RAP1B: variants seen among roughly 807,000 people sequenced by gnomAD.
RAP1B encodes ras-related protein Rap-1b.
A neutral mutation model predicts 27.5 loss-of-function variants in RAP1B; 1 was observed. The observed-to-expected ratio is 0.04, with a 90% CI of 0.01 to 0.17. RAP1B has a LOEUF of 0.17. Among genes scored for constraint, RAP1B ranks in the 10% least tolerant of loss-of-function variants. RAP1B has a pLI of 1.00. For missense variants in RAP1B, 84 were observed against 214.8 expected (o/e 0.39, Z 3.81); for synonymous variants, 75 against 73.1 (o/e 1.03, Z -0.13).
At chr12:68,652,190 A>G (rs1432799911) in intron 4 of RAP1B, 139 bp downstream of exon 4, 1 of 602,694 alleles carries the variant, frequency 1.7e-6, no homozygotes, top group Admixed American at 2.9e-5. Context: ...TCACACCTCT[A>G]TTCCCAGCAC....
At chr12:68,639,456 C>T (rs569519937) in intron 1 of RAP1B, among the ~76,000 whole-genome samples, 1 of 152,174 alleles carries the variant, frequency 6.6e-6, no homozygotes. Context: ...CAAGGTAATA[C>T]GTAATCAAGT....
intron 1 of RAP1B, among the ~76,000 whole-genome samples, chr12:68,642,000 A>G (rs937305660): frequency 2.6e-5 from 4 of 152,206 alleles, no homozygotes; most frequent in Non-Finnish European, 4.4e-5. Flanking sequence ...AGTATCGTAT[A>G]GTTGCACTGT....
Position 68,611,262 on chromosome 12 carries a change from A to AGCC in RAP1B, c.-27+231_-27+233dup, listed in dbSNP as rs1191014578. Among the ~76,000 whole-genome samples the AGCC allele has an allele frequency of 4.9e-4, 73 of 149,246 alleles. 1 individual carries two copies. Among genetic ancestry groups the AGCC allele is most frequent in the Middle Eastern group, 3.4e-3 (1 of 290 alleles). ...GCCTTGCGGGCCGGCGAGGAGGAGC[A>AGCC]GCCGCCGCCGCCGCGGGAGAACAGC... On this transcript the variant is annotated intron_variant, in intron 1 of 7. Transcript: ENST00000250559.
chr12:68,642,530 A>T (rs1380440069), intron 1 of RAP1B: 3 of 1,004,750 alleles, frequency 3.0e-6, no homozygotes, highest in Non-Finnish European at 4.7e-6. Context: ...ATTCTCGATT[A>T]GTTGGTGAGG....
In RAP1B at chr12:68,666,602, T is replaced by G. The variant is rs923524932; in HGVS notation, c.*7353T>G. The G allele has an allele frequency of 6.6e-6, 1 of 152,246 alleles. No homozygotes were observed. The highest frequency in any genetic ancestry group is 1.5e-5 in the Non-Finnish European group (1 of 68,038). 9.4% of individuals were successfully genotyped at this position (152,246 alleles called of 1,614,324 possible). Reference sequence around the variant, plus strand: ...GGACAATTGTTTTGACATTTAGGGCTTACCCACATACTTCAGGATAATCTC... The same window carrying G: ...GGACAATTGTTTTGACATTTAGGGCGTACCCACATACTTCAGGATAATCTC... On this transcript the variant is annotated 3_prime_UTR_variant, in exon 8 of 8. Transcript: ENST00000250559.
intron 1 of RAP1B, among the ~76,000 whole-genome samples, chr12:68,641,439 C>T (rs1565667495): frequency 1.3e-5 from 2 of 152,168 alleles, no homozygotes; most frequent in African/African-American, 4.8e-5. Context: ...TAGAATTAAA[C>T]AGCTTTTTAA....
Position 68,650,458 on chromosome 12 carries a change from C to A in RAP1B, c.116C>A (p.Ser39Tyr). 6.5e-7 allele frequency: 1 copy of A among 1,546,026 alleles called. No homozygotes were observed. Among genetic ancestry groups the A allele is most frequent in the South Asian group, 1.2e-5 (1 of 81,616 alleles). The stretch of plus-strand genomic sequence containing the variant: ...AAATACGATCCTACGATAGAAGATT[C>A]TTATAGAAAGGTATATATTACTTTG... ...VEKYDPTIED[S>Y]YRKQVEVDAQ... Residue 39 changes from serine (S) to tyrosine (Y), a missense_variant, in exon 3 of 8, where the codon TCT becomes TAT. Ser to Tyr is a moderately radical substitution (Grantham distance 144). Transcript: ENST00000250559.
chr12:68,645,727 G>T (rs1378500380), intron 1 of RAP1B, among the ~76,000 whole-genome samples: 3 of 152,224 alleles, frequency 2.0e-5, no homozygotes, highest in Non-Finnish European at 4.4e-5. Context: ...GTCAGAGTTG[G>T]CATTCGCAAT....
At chr12:68,624,902 C>T (rs1412333468) in intron 1 of RAP1B, 1 of 152,242 alleles carries the variant, frequency 6.6e-6, no homozygotes, top group Non-Finnish European at 1.5e-5. Flanking sequence ...TACTTAGAAA[C>T]TCAGAATTGG....
chr12:68,620,882 CG>C (rs1170736046), intron 1 of RAP1B, among the ~76,000 whole-genome samples: 2 of 152,120 alleles, frequency 1.3e-5, no homozygotes, highest in African/African-American at 2.4e-5. Context: ...GCCACCGCAC[CG>C]GTCTGGTTCC....
rs1874899100 is a variant in RAP1B at position 68,667,344 on chromosome 12, G to A, written c.*8095G>A. On this transcript the variant is annotated 3_prime_UTR_variant, in exon 8 of 8. Coordinates refer to ENST00000250559, the MANE Select transcript of RAP1B (RefSeq NM_001010942.3). Reference sequence around the variant, plus strand: ...TTTTGTTTTTTAAGAAATGGGAGGAGTGTAATATCTAGAGGTACATGAAAA... The same window carrying A: ...TTTTGTTTTTTAAGAAATGGGAGGAATGTAATATCTAGAGGTACATGAAAA... 2 of 152,096 alleles carry A rather than the reference G, an allele frequency of 1.3e-5. No homozygotes were observed. Among genetic ancestry groups the A allele is most frequent in the Admixed American group, 1.3e-4 (2 of 15,260 alleles). The allele number at this position is 152,096 out of a possible 1,614,324, so 9.4% of individuals were successfully genotyped here.
rs1171348481 is a variant in RAP1B at position 68,610,915 on chromosome 12, G to C, written c.-155G>C. 2.6e-5 allele frequency: 8 copies of C among 303,348 alleles called. No homozygotes were observed. The highest frequency in any genetic ancestry group is 2.4e-4 in the East Asian group (5 of 21,214). 18.8% of individuals were successfully genotyped at this position (303,348 alleles called of 1,614,324 possible). A position where few individuals can be genotyped will look rare whatever the true frequency, so the allele number is the denominator to read the frequency against. Reference sequence around the variant, plus strand: ...CGTCAAGGCGACATCGCCAAACCTCGCCCAGATTCAGGCGTGTAAACCAGC... The same window carrying C: ...CGTCAAGGCGACATCGCCAAACCTCCCCCAGATTCAGGCGTGTAAACCAGC... On this transcript the variant is annotated 5_prime_UTR_variant, in exon 1 of 8. Coordinates refer to ENST00000250559, the MANE Select transcript of RAP1B (RefSeq NM_001010942.3).
rs1172956980 is a variant in RAP1B at position 68,662,273 on chromosome 12, T to C, written c.*3024T>C. 2 of 151,792 alleles carry C rather than the reference T, an allele frequency of 1.3e-5. No homozygotes were observed. The highest frequency in any genetic ancestry group is 2.9e-5 in the Non-Finnish European group (2 of 67,912). 9.4% of individuals were successfully genotyped at this position (151,792 alleles called of 1,614,324 possible). Reference sequence around the variant, plus strand: ...TAAAATAATTGAGTCAGAAAAGGCATGAATTCCTTTTCACGTCCCCAAGGA... The same window carrying C: ...TAAAATAATTGAGTCAGAAAAGGCACGAATTCCTTTTCACGTCCCCAAGGA... On this transcript the variant is annotated 3_prime_UTR_variant, in exon 8 of 8. Transcript: ENST00000250559.
chr12:68,642,594 A>G lies in RAP1B; in HGVS notation c.-26-6105A>G, dbSNP rs189127386. On this transcript the variant is annotated intron_variant, in intron 1 of 7. Coordinates refer to ENST00000250559, the MANE Select transcript of RAP1B (RefSeq NM_001010942.3). ...TTGGTTTCTGGGAAAGCTTCGTTCA[A>G]GTCCTCAGTGGTCATCTGATCAAAT... 3.6e-5 allele frequency: 37 copies of G among 1,030,612 alleles called. No individual in the cohort carries two copies. The African/African-American group carries it at 3.6e-4, about 10-fold the overall frequency. 63.8% of individuals were successfully genotyped at this position (1,030,612 alleles called of 1,614,324 possible).
chr12:68,652,148 T>A, intron 4 of RAP1B, 97 bp downstream of exon 4: 1 of 973,706 alleles, frequency 1.0e-6, no homozygotes, highest in Non-Finnish European at 1.6e-6. Context: ...TAAGCTTATT[T>A]AAAAGTACTG....
chr12:68,654,394 C>A, intron 5 of RAP1B, 142 bp downstream of exon 5: 8 of 607,864 alleles, frequency 1.3e-5, no homozygotes, highest in South Asian at 2.3e-5. Flanking sequence ...CCTTGAAAGG[C>A]AAAAATACCC....
At chr12:68,622,852 C>G (rs1871480109) in intron 1 of RAP1B, among the ~76,000 whole-genome samples, 1 of 152,130 alleles carries the variant, frequency 6.6e-6, no homozygotes, top group Non-Finnish European at 1.5e-5. Flanking sequence ...ATAAGCTACT[C>G]CTTAAACTGG....
At chr12:68,634,744 ACCAT>A (rs1401124523) in intron 1 of RAP1B, among the ~76,000 whole-genome samples, 3 of 152,190 alleles carry the variant, frequency 2.0e-5, no homozygotes, top group Non-Finnish European at 4.4e-5. Flanking sequence ...TCTGTATTCT[ACCAT>A]ACATGATCAA....
intron 1 of RAP1B, among the ~76,000 whole-genome samples, chr12:68,622,928 C>G (rs1404107689): frequency 1.3e-5 from 2 of 152,182 alleles, no homozygotes; most frequent in African/African-American, 4.8e-5. Flanking sequence ...TCTGGAACTA[C>G]TGGGCTCAAG....
Sources: allele counts gnomAD v4.1 joint callset (sites outside exome capture counted in the v4.1 genomes callset), GRCh38; gene constraint gnomAD v4.1.1; transcripts MANE v1.5; gene names NCBI Gene and HGNC (gene_info 2026-07-23, HGNC 2026-07-21).